EXOC1: variants seen among roughly 807,000 people sequenced by gnomAD.
EXOC1 encodes the protein exocyst complex component 1, also known as SEC3-like 1.
Under a neutral mutation model 107.7 loss-of-function variants are expected in EXOC1, and 67 were observed. The ratio of observed to expected loss-of-function variants is 0.62; its 90% CI spans 0.51 to 0.76. The LOEUF (loss-of-function observed/expected upper bound fraction) is 0.76, where lower values mean the gene tolerates loss of function less well. EXOC1 is among the 30% of genes least tolerant of loss of function. The pLI is 0.00. For synonymous variants in EXOC1, 348 were observed against 353.5 expected (o/e 0.98, Z 0.17); for missense variants, 833 against 1,055.7 (o/e 0.79, Z 2.92).
intron 4 of EXOC1, among the ~76,000 whole-genome samples, chr4:55,867,795 G>C (rs908374831): frequency 6.6e-6 from 1 of 152,026 alleles, no homozygotes; most frequent in Non-Finnish European, 1.5e-5. Context: ...TAATATTCTA[G>C]TGACCAAAAT....
chr4:55,881,905 G>A (rs1232012536), intron 9 of EXOC1, among the ~76,000 whole-genome samples: 1 of 152,054 alleles, frequency 6.6e-6, no homozygotes, highest in African/African-American at 2.4e-5. Flanking sequence ...AGACCCTACA[G>A]CGGACCCAGG....
intron 11 of EXOC1, 90 bp from the exon 12 acceptor site, chr4:55,890,133 C>A: frequency 1.6e-6 from 2 of 1,272,416 alleles, no homozygotes; most frequent in South Asian, 1.3e-5. Flanking sequence ...GAAGATCAAG[C>A]CAGTAGAAGA....
At chr4:55,902,315 AG>A in intron 17 of EXOC1, 28 bp from the exon 18 acceptor site, 1 of 1,402,702 alleles carries the variant, frequency 7.1e-7, no homozygotes, top group Non-Finnish European at 9.3e-7. Flanking sequence ...TGCAGGTCTT[AG>A]CCATTGTTTC....
In EXOC1 at chr4:55,904,705, A is replaced by T. The variant is rs560388610; in HGVS notation, c.*210A>T. ...TTATTTGCCCTATAGGTTGCATACT[A>T]ACTTAAGCATTCATGTCACCATAAA... On this transcript the variant is annotated 3_prime_UTR_variant, in exon 19 of 19. Transcript: ENST00000381295. The T allele has an allele frequency of 1.3e-5, 5 of 392,556 alleles. No individual in the cohort carries two copies. In the Admixed American group the frequency reaches 2.3e-4, roughly 18 times the overall value. 24.3% of individuals were successfully genotyped at this position (392,556 alleles called of 1,614,324 possible).
chr4:55,854,905 A>G (rs1209954195), intron 1 of EXOC1, among the ~76,000 whole-genome samples: 1 of 152,246 alleles, frequency 6.6e-6, no homozygotes, highest in African/African-American at 2.4e-5. Flanking sequence ...TGAGATAGAG[A>G]AGCTTATGAT....
intron 3 of EXOC1, 34 bp downstream of exon 3, chr4:55,860,575 GA>G: frequency 6.2e-7 from 1 of 1,609,528 alleles, no homozygotes; most frequent in Non-Finnish European, 8.5e-7. Flanking sequence ...CCTGTGTTCA[GA>G]AAGCATCTTT....
intron 16 of EXOC1, among the ~76,000 whole-genome samples, chr4:55,897,803 A>G (rs907364954): frequency 2.0e-5 from 3 of 152,160 alleles, no homozygotes; most frequent in Non-Finnish European, 2.9e-5. Flanking sequence ...TTTAATAGAG[A>G]CAGGGTTTCA....
chr4:55,871,704 C>T, intron 7 of EXOC1, 145 bp from the exon 8 acceptor site: 1 of 637,606 alleles, frequency 1.6e-6, no homozygotes, highest in Admixed American at 3.3e-5. Context: ...TCCCATTTTT[C>T]TCCTGCTTAA....
chr4:55,871,878 C>G lies in EXOC1; in HGVS notation c.994C>G (p.Gln332Glu). The G allele has an allele frequency of 6.2e-7, 1 of 1,613,800 alleles. No individual in the cohort carries two copies. The highest frequency in any genetic ancestry group is 8.5e-7 in the Non-Finnish European group (1 of 1,179,808). Reference sequence around the variant, plus strand: ...TGACTTGCTTCTGGCAGTCAAACAGCAACAGCAGCGATTCAGTGATTTGCG... The same window carrying G: ...TGACTTGCTTCTGGCAGTCAAACAGGAACAGCAGCGATTCAGTGATTTGCG... ...GHDLLLAVKQ[Q>E]QQRFSDLREL... The change falls in exon 8 of 19, where the codon CAA becomes GAA. Residue 332 changes from glutamine to glutamate, a missense_variant. Coordinates refer to ENST00000381295, the MANE Select transcript of EXOC1 (RefSeq NM_001024924.2).
chr4:55,862,825 G>A (rs1349175181), intron 3 of EXOC1, among the ~76,000 whole-genome samples: 2 of 152,078 alleles, frequency 1.3e-5, no homozygotes, highest in Non-Finnish European at 2.9e-5. Context: ...TTACCCTGTA[G>A]AACATTAAGA....
chr4:55,873,959 A>G (rs1722668716), intron 8 of EXOC1, among the ~76,000 whole-genome samples: 1 of 152,172 alleles, frequency 6.6e-6, no homozygotes, highest in South Asian at 2.1e-4. Context: ...AGATGCTTGT[A>G]AGAAGGAATT....
chr4:55,863,729 G>A (rs1721694083), intron 3 of EXOC1, among the ~76,000 whole-genome samples: 1 of 152,054 alleles, frequency 6.6e-6, no homozygotes, highest in African/African-American at 2.4e-5. Flanking sequence ...CACCTCACTT[G>A]TTCTTAGAAA....
At chr4:55,862,395 A>T (rs1036543575) in intron 3 of EXOC1, among the ~76,000 whole-genome samples, 4 of 152,070 alleles carry the variant, frequency 2.6e-5, no homozygotes, top group Admixed American at 6.6e-5. Flanking sequence ...ATTTTTATAC[A>T]TAACTTAACA....
intron 8 of EXOC1, chr4:55,875,797 G>C (rs1260256844): frequency 1.3e-5 from 13 of 985,020 alleles, no homozygotes; most frequent in Non-Finnish European, 1.6e-5. Flanking sequence ...AGGCGCAGTG[G>C]CTCACACCTG....
chr4:55,901,056 G>A lies in EXOC1; in HGVS notation c.2337+1172G>A, dbSNP rs1457047642. ...AGCTTACATGATACTTAACTGCAAC[G>A]TTAGAGACATTCCCTCTGAAATCAA... is the stretch of plus-strand genomic sequence containing the variant. On this transcript the variant is annotated intron_variant, in intron 17 of 18. Coordinates refer to ENST00000381295, the MANE Select transcript of EXOC1 (RefSeq NM_001024924.2). 3.3e-5 allele frequency among the ~76,000 whole-genome samples: 5 copies of A among 152,108 alleles called. 1 individual carries two copies. Among genetic ancestry groups the A allele is most frequent in the South Asian group, 4.1e-4 (2 of 4,832 alleles).
In EXOC1 at chr4:55,868,344, C is replaced by A; in HGVS notation, c.424C>A (p.Pro142Thr). The A allele has an allele frequency of 6.2e-7, 1 of 1,609,676 alleles. No individual in the cohort carries two copies. Among genetic ancestry groups the A allele is most frequent in the South Asian group, 1.1e-5 (1 of 90,628 alleles). ...VSSQLLEESV[P>T]SGENQSVTGG... is the part of the protein sequence containing the mutation. ...ATTTTTACCTCTTTAAGAATCTGTTCCAAGTGGAGAAAATCAGAGTGTGAC... is the reference window on the plus strand; with the variant it reads ...ATTTTTACCTCTTTAAGAATCTGTTACAAGTGGAGAAAATCAGAGTGTGAC... The change falls in exon 5 of 19, where the codon CCA becomes ACA. Residue 142 changes from proline to threonine, a missense_variant. Physicochemically the swap from Pro to Thr is conservative, Grantham distance 38. Coordinates refer to ENST00000381295, the MANE Select transcript of EXOC1 (RefSeq NM_001024924.2).
intron 17 of EXOC1, 24 bp from the exon 18 acceptor site, chr4:55,902,320 T>C (rs1577798160): frequency 3.5e-6 from 5 of 1,408,576 alleles, no homozygotes; most frequent in Non-Finnish European, 4.6e-6. Context: ...GTCTTAGCCA[T>C]TGTTTCTTTT....
intron 10 of EXOC1, among the ~76,000 whole-genome samples, chr4:55,886,472 G>C (rs1723885527): frequency 6.6e-6 from 1 of 151,352 alleles, no homozygotes; most frequent in African/African-American, 2.4e-5. Context: ...CGGATCACTT[G>C]AGCCTGAGAG....
At chr4:55,875,773 A>C in intron 8 of EXOC1, 2 of 985,438 alleles carry the variant, frequency 2.0e-6, no homozygotes, top group Non-Finnish European at 2.4e-6. Context: ...CAATTAAGGC[A>C]CATAGTTTAG....
Sources: gnomAD v4.1 joint callset for allele counts (sites outside exome capture counted in the v4.1 genomes callset) on GRCh38, gnomAD v4.1.1 for gene constraint, MANE v1.5 for transcripts, NCBI Gene and HGNC (gene_info 2026-07-23, HGNC 2026-07-21) for gene names.